Variants in EML3 observed in about 807,000 individuals in gnomAD.
EML3 encodes EMAP like 3, also known as echinoderm microtubule-associated protein-like 3.
EML3 carries 53 observed loss-of-function variants against 106.7 expected under a neutral mutation model. The ratio of observed to expected loss-of-function variants is 0.50; its 90% confidence interval spans 0.40 to 0.62. The LOEUF (loss-of-function observed/expected upper bound fraction) is 0.62, where lower values mean the gene tolerates loss of function less well. EML3 is among the 20% of genes least tolerant of loss of function. The pLI is 0.00. For synonymous variants in EML3, 499 were observed against 489.6 expected (o/e 1.02, Z -0.25); for missense variants, 994 against 1,209.1 (o/e 0.82, Z 2.64).
Position 62,605,581 on chromosome 11 carries a change from G to C in EML3, c.1914+61C>G, listed in dbSNP as rs994567372. ...CAGAAGGCAAGGTGCTGGGGAAGGC[G>C]TGGTGGCCACAGGTGTCCTGGTGGG... is the stretch of plus-strand genomic sequence containing the variant. On this transcript the variant is annotated intron_variant, in intron 15 of 21. Transcript: ENST00000394773. This position sits in a 1 kb window ranked among gnomAD's most constrained non-coding sequence, Gnocchi z 5.2. 4 of 1,500,358 alleles carry C rather than the reference G, an allele frequency of 2.7e-6. No homozygotes were observed. The highest frequency in any genetic ancestry group is 2.3e-5 in the East Asian group (1 of 43,554). 92.9% of individuals were successfully genotyped at this position (1,500,358 alleles called of 1,614,324 possible).
At chr11:62,611,919 TG>T in intron 1 of EML3, 1 of 425,236 alleles carries the variant, frequency 2.4e-6, no homozygotes, top group Non-Finnish European at 4.2e-6. Context: ...GGCGCCGCAC[TG>T]GTGAGGGCAG....
At position 62,605,820 on chromosome 11, in the gene EML3, TTG is replaced by T; in HGVS notation, c.1782+33_1782+34del. ...ACTCCTGCCCCTCTCTCACACCCCT[TTG>T]TCCCTTCCTCCCCTGAGCCCTTAAC... On this transcript the variant is annotated intron_variant, in intron 14 of 21. Coordinates refer to ENST00000394773, the MANE Select transcript of EML3 (RefSeq NM_153265.3). This position sits in a 1 kb window ranked among gnomAD's most constrained non-coding sequence, Gnocchi z 5.2. 6.2e-7 allele frequency: 1 copy of T among 1,611,722 alleles called. No homozygotes were observed. The highest frequency in any genetic ancestry group is 8.5e-7 in the Non-Finnish European group (1 of 1,178,660).
chr11:62,604,576 C>T (rs907723191), intron 16 of EML3: 5 of 260,924 alleles, frequency 1.9e-5, no homozygotes, highest in African/African-American at 1.1e-4. Flanking sequence ...CGAGGTTTCA[C>T]CATGTTGGCC....
At position 62,603,242 on chromosome 11, in the gene EML3, C is replaced by T. The variant is rs757439722; in HGVS notation, c.2263G>A (p.Val755Met). 1.9e-6 allele frequency: 3 copies of T among 1,613,388 alleles called. No individual in the cohort carries two copies. The highest frequency in any genetic ancestry group is 2.2e-5 in the South Asian group (2 of 91,094). Residue 755 changes from valine (V) to methionine (M), a missense_variant, in exon 20 of 22, where the codon GTG becomes ATG. By Grantham distance (21) the Val-to-Met change is conservative (BLOSUM62 1). Coordinates refer to ENST00000394773, the MANE Select transcript of EML3 (RefSeq NM_153265.3). ...SGDYEILYWD[V>M]AGGCKQLKNR... The stretch of plus-strand genomic sequence containing the variant: ...TTCAGCTGCTTGCAGCCTCCAGCCA[C>T]GTCCCCTGGGGAGAGGGAGCCCGCC...
At chr11:62,609,256 G>A in intron 6 of EML3, 98 bp downstream of exon 6, 20 of 1,550,400 alleles carry the variant, frequency 1.3e-5, no homozygotes, top group Non-Finnish European at 1.7e-5. Flanking sequence ...GGATCTAGAA[G>A]GCTCCTTGTC....
At position 62,608,781 on chromosome 11, in the gene EML3, A is replaced by T. The variant is rs762327074; in HGVS notation, c.954T>A (p.Val318=). 1 of 1,584,940 alleles carries T rather than the reference A, an allele frequency of 6.3e-7. No homozygotes were observed. Among genetic ancestry groups the T allele is most frequent in the Non-Finnish European group, 8.6e-7 (1 of 1,163,768 alleles). The change falls in exon 8 of 22, where the codon GTT becomes GTA. Residue 318 remains valine (V), a synonymous_variant. Transcript: ENST00000394773. The part of the protein sequence containing the change: ...VRCLAVHPDG[V]RVASGQTAGV... Reference sequence around the variant, plus strand: ...CAGCTGTCTGTCCCGAGGCTACCCGAACACCATCAGGGTGAACAGCAAGGC... The same window carrying T: ...CAGCTGTCTGTCCCGAGGCTACCCGTACACCATCAGGGTGAACAGCAAGGC...
At chr11:62,608,929 T>C (rs1216741780) in intron 7 of EML3, 33 bp downstream of exon 7, 15 of 1,609,898 alleles carry the variant, frequency 9.3e-6, no homozygotes, top group Non-Finnish European at 1.3e-5. Flanking sequence ...CAGACCCTCT[T>C]CCTGCCAAGC....
chr11:62,611,120 A>G lies in EML3; in HGVS notation c.419T>C (p.Leu140Pro), dbSNP rs763198406. 1 of 1,597,440 alleles carries G rather than the reference A, an allele frequency of 6.3e-7. No homozygotes were observed. The highest frequency in any genetic ancestry group is 1.1e-5 in the South Asian group (1 of 90,246). The change falls in exon 3 of 22, where the codon CTC becomes CCC. Residue 140 changes from leucine (L) to proline (P), a missense_variant. Leu to Pro is a moderately conservative substitution (Grantham distance 98). Coordinates refer to ENST00000394773, the MANE Select transcript of EML3 (RefSeq NM_153265.3). ...ACGCTGTGGGGGCTGCAAGGGCCTG[A>G]GGATCCCCGGGGGGCCAGGGGAGCC... ...GAGSPGPPGI[L>P]RPLQPPQRAD...
At position 62,602,686 on chromosome 11, in the gene EML3, G is replaced by A. The variant is rs983617657; in HGVS notation, c.2488-8C>T. The A allele has an allele frequency of 4.4e-6, 7 of 1,597,986 alleles. No homozygotes were observed. The South Asian group carries it at 7.8e-5, about 18-fold the overall frequency. Reference sequence around the variant, plus strand: ...GTACATGCGGCTCGGCGCCTGGGCCGGAGGGAAGAGTTGCGGTGGCGGCTG... The same window carrying A: ...GTACATGCGGCTCGGCGCCTGGGCCAGAGGGAAGAGTTGCGGTGGCGGCTG... On this transcript the variant is annotated splice_polypyrimidine_tract_variant and splice_region_variant and intron_variant, in intron 21 of 21. Transcript: ENST00000394773.
Position 62,605,526 on chromosome 11 carries a change from T to A in EML3, c.1914+116A>T. 1 of 1,339,412 alleles carries A rather than the reference T, an allele frequency of 7.5e-7. No homozygotes were observed. The highest frequency in any genetic ancestry group is 1.5e-5 in the African/African-American group (1 of 68,486). 83.0% of individuals were successfully genotyped at this position (1,339,412 alleles called of 1,614,324 possible). A position where few individuals can be genotyped will look rare whatever the true frequency, so the allele number is the denominator to read the frequency against. ...AATATTTGAGTAGCCAGTGCAGCCA[T>A]ACCAGTACAAACTGGCCACCTCTGG... is the stretch of plus-strand genomic sequence containing the variant. On this transcript the variant is annotated intron_variant, in intron 15 of 21. Coordinates refer to ENST00000394773, the MANE Select transcript of EML3 (RefSeq NM_153265.3). This position sits in a 1 kb window ranked among gnomAD's most constrained non-coding sequence, Gnocchi z 5.2.
chr11:62,603,321 TGGAA>T, intron 19 of EML3, 74 bp from the exon 20 acceptor site: 2 of 1,402,186 alleles, frequency 1.4e-6, no homozygotes, highest in Non-Finnish European at 2.0e-6. Flanking sequence ...AAAGCCAGAC[TGGAA>T]AGACTGGCAT....
rs1274797979 is a variant in EML3 at position 62,603,264 on chromosome 11, C to T, written c.2258-17G>A. 1.2e-6 allele frequency: 2 copies of T among 1,609,940 alleles called. No individual in the cohort carries two copies. The highest frequency in any genetic ancestry group is 1.3e-5 in the African/African-American group (1 of 75,010). ...CCACGTCCCCTGGGGAGAGGGAGCC[C>T]GCCCAGCTCAGCTCTCACCCTGCCC... On this transcript the variant is annotated splice_polypyrimidine_tract_variant and intron_variant, in intron 19 of 21. Coordinates refer to ENST00000394773, the MANE Select transcript of EML3 (RefSeq NM_153265.3).
In EML3 at chr11:62,602,601, G is replaced by T; in HGVS notation, c.2565C>A (p.Val855=). 3 of 1,560,536 alleles carry T rather than the reference G, an allele frequency of 1.9e-6. No individual in the cohort carries two copies. The highest frequency in any genetic ancestry group is 2.6e-6 in the Non-Finnish European group (3 of 1,155,794). The change falls in exon 22 of 22, where the codon GTC becomes GTA. Residue 855 remains valine, a synonymous_variant. Coordinates refer to ENST00000394773, the MANE Select transcript of EML3 (RefSeq NM_153265.3). ...VRFTHDDSHL[V]SLGGKDASIF... ...TGCTGGCGTCCTTGCCGCCCAGCGA[G>T]ACGAGGTGCGAGTCGTCGTGCGTGA...
At chr11:62,609,742 AC>A in intron 4 of EML3, 46 bp from the exon 5 acceptor site, 3 of 1,520,346 alleles carry the variant, frequency 2.0e-6, no homozygotes, top group Non-Finnish European at 2.7e-6. Context: ...AGGTCCCAAG[AC>A]CTAAGCGGGG....
rs774505119 is a variant in EML3, at chr11:62,602,665, A to T, written c.2501T>A (p.Met834Lys). The T allele has an allele frequency of 3.1e-6, 5 of 1,597,124 alleles. No individual in the cohort carries two copies. Among genetic ancestry groups the T allele is most frequent in the Non-Finnish European group, 4.3e-6 (5 of 1,174,836 alleles). Reference sequence around the variant, plus strand: ...CACGTGGCTGCCGTGGCCCCCGTACATGCGGCTCGGCGCCTGGGCCGGAGG... The same window carrying T: ...CACGTGGCTGCCGTGGCCCCCGTACTTGCGGCTCGGCGCCTGGGCCGGAGG... ...PCARAKAPSR[M>K]YGGHGSHVTS... Residue 834 changes from methionine to lysine, a missense_variant, in exon 22 of 22, where the codon ATG (methionine) becomes AAG (lysine). By Grantham distance (95) the Met-to-Lys change is moderately conservative. This residue lies in a region of EML3 where 713 missense variants were observed against 920.5 expected (regional missense o/e 0.77). Coordinates refer to ENST00000394773, the MANE Select transcript of EML3 (RefSeq NM_153265.3).
intron 1 of EML3, 111 bp from the exon 2 acceptor site, chr11:62,611,707 G>A: frequency 8.0e-7 from 1 of 1,252,680 alleles, no homozygotes; most frequent in Non-Finnish European, 1.1e-6. Context: ...GCCCCTTTCA[G>A]GCAGCCCCAG....
intron 19 of EML3, 151 bp downstream of exon 19, chr11:62,603,578 T>G (rs914273732): frequency 1.5e-5 from 10 of 687,738 alleles, no homozygotes; most frequent in Non-Finnish European, 2.5e-5. Context: ...AAACTAGTTG[T>G]TTCCAAATCA....
intron 20 of EML3, 92 bp from the exon 21 acceptor site, chr11:62,602,981 C>G: frequency 6.8e-7 from 1 of 1,471,916 alleles, no homozygotes; most frequent in Non-Finnish European, 9.0e-7. Context: ...CAGCCGCGGC[C>G]ACCCACTGCC....
In EML3 at chr11:62,609,368, G is replaced by A. The variant is rs1232938908; in HGVS notation, c.744C>T (p.Leu248=). 1.3e-6 allele frequency: 2 copies of A among 1,585,024 alleles called. No homozygotes were observed. The highest frequency in any genetic ancestry group is 1.7e-6 in the Non-Finnish European group (2 of 1,164,940). The part of the protein sequence containing the change: ...ELPSGPPPET[L]SLDWVYGYRG... ...GGGCAGGATACACCCAGTCAAGGCT[G>A]AGGGTCTCTGGCGGTGGGCCACTCG... The change falls in exon 6 of 22, where the codon CTC becomes CTT. Residue 248 remains leucine (L), a synonymous_variant. Coordinates refer to ENST00000394773, the MANE Select transcript of EML3 (RefSeq NM_153265.3).
Sources: allele counts gnomAD v4.1 joint callset, GRCh38; gene constraint gnomAD v4.1.1; regional missense constraint gnomAD v4.1.1; non-coding constraint Gnocchi (gnomAD v3.1); transcripts MANE v1.5; gene names NCBI Gene and HGNC (gene_info 2026-07-23, HGNC 2026-07-21).